Variants in ZNF236 observed in about 807,000 individuals in gnomAD.
ZNF236 encodes zinc finger protein 236, also known as regulated by glucose.
Under a neutral mutation model 191.2 loss-of-function variants are expected in ZNF236, and 50 were observed. The ratio of observed to expected loss-of-function variants is 0.26; its 90% confidence interval spans 0.21 to 0.33. The LOEUF is 0.33. Ranked by LOEUF, ZNF236 falls within the 10% of genes least tolerant of loss-of-function variation. ZNF236 has a pLI of 1.00. For missense variants in ZNF236, 1,754 were observed against 2,374.5 expected, an observed-to-expected ratio of 0.74 and a Z score of 5.43; for synonymous variants, 907 against 928.8, an observed-to-expected ratio of 0.98 and a Z score of 0.43.
At chr18:76,965,808 C>T (rs1258153691) in intron 30 of ZNF236, among the ~76,000 whole-genome samples, 1 of 152,160 alleles carries the variant, frequency 6.6e-6, no homozygotes, top group Middle Eastern at 3.2e-3. Context: ...GAAATGGACT[C>T]TGTGAAGGTT....
At position 76,968,233 on chromosome 18, in the gene ZNF236, C is replaced by A; in HGVS notation, c.5438C>A (p.Ala1813Glu). 1.9e-6 allele frequency: 3 copies of A among 1,613,700 alleles called. No homozygotes were observed. In the South Asian group the frequency reaches 3.3e-5, roughly 18 times the overall value. Residue 1813 changes from alanine (A) to glutamate (E), a missense_variant, in exon 31 of 31, where the codon GCA becomes GAA. This residue lies in a region of ZNF236 where 606 missense variants were observed against 761.5 expected (regional missense o/e 0.80). Transcript: ENST00000320610. ...ATAACAGGAGCTCTGCAGGAGTCTGCAGGTCACCCGGAGCAGGACGGGGAG... is the reference window on the plus strand; with the variant it reads ...ATAACAGGAGCTCTGCAGGAGTCTGAAGGTCACCCGGAGCAGGACGGGGAG... ...HSYAGALQES[A>E]GHPEQDGEEL...
At chr18:76,824,138 AG>A in intron 1 of ZNF236, 1 of 591,596 alleles carries the variant, frequency 1.7e-6, no homozygotes, top group Non-Finnish European at 3.0e-6. Context: ...CAAACAACAC[AG>A]GTGCCCCAGA....
chr18:76,935,423 T>C (rs1454956019), intron 25 of ZNF236, among the ~76,000 whole-genome samples: 1 of 152,234 alleles, frequency 6.6e-6, no homozygotes, highest in Admixed American at 6.5e-5. Context: ...TCTATCTTTT[T>C]ACATTTTTCA....
At chr18:76,892,173 T>TTTG (rs1977263732) in intron 9 of ZNF236, among the ~76,000 whole-genome samples, 2 of 127,934 alleles carry the variant, frequency 1.6e-5, no homozygotes, top group Non-Finnish European at 1.5e-5. Context: ...TCTGGGTTTT[T>TTTG]TTTTTTTTTT....
intron 25 of ZNF236, among the ~76,000 whole-genome samples, chr18:76,928,529 A>G (rs2122847783): frequency 6.6e-6 from 1 of 152,354 alleles, no homozygotes; most frequent in East Asian, 1.9e-4. Flanking sequence ...TTAGGATTAT[A>G]TAGGAAAATT....
In ZNF236 at chr18:76,908,445, C is replaced by T. The variant is rs566197619; in HGVS notation, c.2423C>T (p.Pro808Leu). ...GTGGAGATCGAGAGCGACGAGCTGC[C>T]GCAGACGGCAGAGGTGGTCGCAGCG... The part of the protein sequence containing the change: ...MQVEIESDEL[P>L]QTAEVVAANP... Residue 808 changes from proline to leucine, a missense_variant, in exon 14 of 31, where the codon CCG (proline) becomes CTG (leucine). Physicochemically the swap from Pro to Leu is moderately conservative, Grantham distance 98. Around this residue, in one of 5 missense-constraint regions of ZNF236, gnomAD observed 641 missense variants for 869.6 expected, o/e 0.74. Coordinates refer to ENST00000320610, the MANE Select transcript of ZNF236 (RefSeq NM_001306089.2). 11 of 1,614,200 alleles carry T rather than the reference C, an allele frequency of 6.8e-6. No individual in the cohort carries two copies. The highest frequency in any genetic ancestry group is 2.7e-5 in the African/African-American group (2 of 75,064).
intron 21 of ZNF236, among the ~76,000 whole-genome samples, chr18:76,923,811 T>G (rs1194434250): frequency 1.3e-5 from 2 of 152,062 alleles, no homozygotes; most frequent in African/African-American, 4.8e-5. Context: ...ACCTCCGTCT[T>G]TGGGAGTTCA....
chr18:76,828,797 G>T (rs1975082793), intron 1 of ZNF236, among the ~76,000 whole-genome samples: 1 of 152,048 alleles, frequency 6.6e-6, no homozygotes, highest in African/African-American at 2.4e-5. Context: ...CTCCTGAGTT[G>T]CTGAGACCAC....
In ZNF236 at chr18:76,921,737, CTTTTTTTTTT is replaced by C. The variant is rs11380490; in HGVS notation, c.3558-1321_3558-1312del. Among the ~76,000 whole-genome samples the C allele has an allele frequency of 3.3e-4, 32 of 98,050 alleles. 2 individuals carry two copies. In the South Asian group the frequency reaches 0.012, roughly 36 times the overall value. 64.3% of individuals were successfully genotyped at this position (98,050 alleles called of 152,430 possible). A position where few individuals can be genotyped will look rare whatever the true frequency, so the allele number is the denominator to read the frequency against. Reference sequence around the variant, plus strand: ...CTGAAGACCAGAAGAGTGGGATGTTCTTTTTTTTTTTTTTTTTTTTTTGAGTTGGAGTCTC... The same window carrying C: ...CTGAAGACCAGAAGAGTGGGATGTTCTTTTTTTTTTTTGAGTTGGAGTCTC... On this transcript the variant is annotated intron_variant, in intron 20 of 30. Transcript: ENST00000320610.
chr18:76,887,465 T>C (rs550090159), intron 9 of ZNF236: 2 of 152,350 alleles, frequency 1.3e-5, no homozygotes, highest in Admixed American at 6.5e-5. Context: ...AGATATCCAG[T>C]CACGTGCTTC....
At chr18:76,856,980 G>T (rs946222932) in intron 3 of ZNF236, among the ~76,000 whole-genome samples, 6 of 152,166 alleles carry the variant, frequency 3.9e-5, no homozygotes, top group South Asian at 2.1e-4. Flanking sequence ...AGCAGAACTC[G>T]CATGGAAGGG....
intron 9 of ZNF236, among the ~76,000 whole-genome samples, chr18:76,884,693 C>T (rs746511406): frequency 5.3e-5 from 8 of 152,118 alleles, no homozygotes; most frequent in Non-Finnish European, 7.4e-5. Context: ...TATTTCAGTC[C>T]ACGGGCTCCA....
chr18:76,932,703 A>G (rs928705835), intron 25 of ZNF236, among the ~76,000 whole-genome samples: 1 of 152,176 alleles, frequency 6.6e-6, no homozygotes, highest in African/African-American at 2.4e-5. Flanking sequence ...TCTGCTGAAC[A>G]TCCTTAGTGA....
intron 5 of ZNF236, among the ~76,000 whole-genome samples, chr18:76,873,052 AAGAG>A (rs939925636): frequency 6.6e-6 from 1 of 152,174 alleles, no homozygotes; most frequent in Non-Finnish European, 1.5e-5. Flanking sequence ...TTTCTAGAGT[AAGAG>A]AGAAAGAAAA....
chr18:76,916,840 CA>C (rs1461352371), intron 19 of ZNF236, among the ~76,000 whole-genome samples: 3 of 152,134 alleles, frequency 2.0e-5, no homozygotes, highest in African/African-American at 7.2e-5. Flanking sequence ...TGTGTGGAGA[CA>C]GGGGTGCTAA....
intron 20 of ZNF236, among the ~76,000 whole-genome samples, chr18:76,922,560 CTT>C (rs112571512): frequency 1.4e-3 from 200 of 143,224 alleles, no homozygotes; most frequent in African/African-American, 4.0e-3. Context: ...AGGAAATTGT[CTT>C]TTTTTTTTTT....
rs750108648 is a variant in ZNF236, at chr18:76,970,058, G to A, written c.*1719G>A. On this transcript the variant is annotated 3_prime_UTR_variant, in exon 31 of 31. Coordinates refer to ENST00000320610, the MANE Select transcript of ZNF236 (RefSeq NM_001306089.2). ...AAACCTGGCTGTAGCCGCATATGCA[G>A]AATAACTGTAATTGTGCTAGAGTTT... 1 of 152,654 alleles carries A rather than the reference G, an allele frequency of 6.6e-6. No individual in the cohort carries two copies. Among genetic ancestry groups the A allele is most frequent in the African/African-American group, 2.4e-5 (1 of 41,454 alleles). 9.5% of individuals were successfully genotyped at this position (152,654 alleles called of 1,614,324 possible).
chr18:76,837,762 T>C lies in ZNF236; in HGVS notation c.56-11764T>C, dbSNP rs200225696. ...GGCTTTGAATTCAGTTTTTAACCTT[T>C]GTATATCCACTTCGGCTAGAACTGT... On this transcript the variant is annotated intron_variant, in intron 1 of 30. Coordinates refer to ENST00000320610, the MANE Select transcript of ZNF236 (RefSeq NM_001306089.2). Among the ~76,000 whole-genome samples the C allele has an allele frequency of 3.9e-5, 6 of 152,328 alleles. No individual in the cohort carries two copies. The East Asian group carries it at 1.2e-3, about 29-fold the overall frequency.
Position 76,905,309 on chromosome 18 carries a change from C to T in ZNF236, c.2191C>T (p.Arg731Trp), listed in dbSNP as rs1200438228. The T allele has an allele frequency of 1.2e-6, 2 of 1,614,150 alleles. No individual in the cohort carries two copies. Among genetic ancestry groups the T allele is most frequent in the Admixed American group, 1.7e-5 (1 of 60,024 alleles). Residue 731 changes from arginine to tryptophan, a missense_variant, in exon 13 of 31, where the codon CGG becomes TGG. Coordinates refer to ENST00000320610, the MANE Select transcript of ZNF236 (RefSeq NM_001306089.2). ...GGCTTTCACTACTGGTGGCAGCTTACGGCGACACATGGGTATCCACAACGA... is the reference window on the plus strand; with the variant it reads ...GGCTTTCACTACTGGTGGCAGCTTATGGCGACACATGGGTATCCACAACGA... The part of the protein sequence containing the change: ...NGAFTTGGSL[R>W]RHMGIHNDLR...
Sources: gnomAD v4.1 joint callset for allele counts (sites outside exome capture counted in the v4.1 genomes callset) on GRCh38, gnomAD v4.1.1 for gene constraint, gnomAD v4.1.1 regional missense constraint, MANE v1.5 for transcripts, NCBI Gene and HGNC (gene_info 2026-07-23, HGNC 2026-07-21) for gene names.